The following TMEM178B variants were observed in gnomAD, a reference collection of about 807,000 sequenced individuals.
TMEM178B encodes transmembrane protein 178B.
TMEM178B carries 5 observed loss-of-function variants against 31.0 expected under a neutral mutation model. That is an observed-to-expected ratio of 0.16 (90% CI 0.08 to 0.34). TMEM178B has a LOEUF of 0.34. Among genes scored for constraint, TMEM178B ranks in the 10% least tolerant of loss-of-function variants. The pLI is 1.00. For synonymous variants in TMEM178B, 164 were observed against 164.0 expected (o/e 1.00, Z 0.00); for missense variants, 275 against 400.3 (o/e 0.69, Z 2.67).
At chr7:141,193,716 T>C (rs926725958) in intron 1 of TMEM178B, among the ~76,000 whole-genome samples, 14 of 152,154 alleles carry the variant, frequency 9.2e-5, no homozygotes, top group African/African-American at 3.4e-4. Flanking sequence ...TCTGCAGCCA[T>C]ACTCAGGCCC....
chr7:141,414,062 C>T (rs1801053531), intron 2 of TMEM178B, among the ~76,000 whole-genome samples: 1 of 150,406 alleles, frequency 6.6e-6, no homozygotes. Flanking sequence ...TACTTAATTT[C>T]TCCAAAAACA....
rs1586984451 is a variant in TMEM178B, at chr7:141,473,229, G to A, written c.*2443G>A. On this transcript the variant is annotated 3_prime_UTR_variant, in exon 4 of 4. Coordinates refer to ENST00000565468, the MANE Select transcript of TMEM178B (RefSeq NM_001195278.2). ...AGGGCATACTTGGGCTTAAGGAAAAGTGAAGAAAAGTATCTCAGATTGAGA... is the reference window on the plus strand; with the variant it reads ...AGGGCATACTTGGGCTTAAGGAAAAATGAAGAAAAGTATCTCAGATTGAGA... The A allele has an allele frequency of 6.6e-6, 1 of 152,342 alleles. No individual in the cohort carries two copies. The highest frequency in any genetic ancestry group is 1.9e-4 in the East Asian group (1 of 5,188). 9.4% of individuals were successfully genotyped at this position (152,342 alleles called of 1,614,324 possible).
At chr7:141,379,074 G>A (rs556393848) in intron 2 of TMEM178B, among the ~76,000 whole-genome samples, 1 of 152,240 alleles carries the variant, frequency 6.6e-6, no homozygotes, top group African/African-American at 2.4e-5. Flanking sequence ...CCATGCAGGG[G>A]CATCCTAGTC....
chr7:141,376,658 A>C (rs534471399), intron 2 of TMEM178B, among the ~76,000 whole-genome samples: 2 of 152,314 alleles, frequency 1.3e-5, no homozygotes, highest in East Asian at 1.9e-4. Flanking sequence ...ACACAAATCC[A>C]ATAGGTTGGA....
chr7:141,288,483 GAA>G (rs534250227), intron 2 of TMEM178B, among the ~76,000 whole-genome samples: 1 of 117,636 alleles, frequency 8.5e-6, no homozygotes. Flanking sequence ...GGAAAAAAAT[GAA>G]AAAAAAAAAA....
chr7:141,250,315 T>C (rs1797809324), intron 2 of TMEM178B, among the ~76,000 whole-genome samples: 1 of 152,216 alleles, frequency 6.6e-6, no homozygotes, highest in South Asian at 2.1e-4. Context: ...CTATTATCAT[T>C]ATCCCACTTT....
At chr7:141,173,779 A>C (rs149881049) in intron 1 of TMEM178B, among the ~76,000 whole-genome samples, 1 of 152,152 alleles carries the variant, frequency 6.6e-6, no homozygotes, top group Non-Finnish European at 1.5e-5. Flanking sequence ...AGCCATTGCC[A>C]TATTAAGTCT....
At chr7:141,366,383 G>A (rs2116556478) in intron 2 of TMEM178B, among the ~76,000 whole-genome samples, 1 of 152,274 alleles carries the variant, frequency 6.6e-6, no homozygotes, top group South Asian at 2.1e-4. Flanking sequence ...CGACAAATTT[G>A]TTTCAAGGAA....
the TMEM178B span, among the ~76,000 whole-genome samples, chr7:141,502,769 T>A: frequency 1.0e-3 from 148 of 146,326 alleles, no homozygotes; most frequent in Middle Eastern, 7.1e-3. Context: ...AAACTCAGTC[T>A]AAAAAAAAAA....
chr7:141,435,013 A>G (rs1322245847), intron 2 of TMEM178B, among the ~76,000 whole-genome samples: 1 of 152,206 alleles, frequency 6.6e-6, no homozygotes, highest in African/African-American at 2.4e-5. Context: ...ATTGAAAGAC[A>G]CTTCTCATGA....
At chr7:141,227,726 C>G (rs1797369433) in intron 2 of TMEM178B, among the ~76,000 whole-genome samples, 1 of 152,162 alleles carries the variant, frequency 6.6e-6, no homozygotes, top group Non-Finnish European at 1.5e-5. Context: ...GGGATATGAA[C>G]TTCGCAAAAT....
chr7:141,158,292 C>T (rs952431507), intron 1 of TMEM178B, among the ~76,000 whole-genome samples: 2 of 152,084 alleles, frequency 1.3e-5, no homozygotes. Context: ...GACAGGGTTT[C>T]GTCATGTTGG....
At chr7:141,459,319 C>G (rs536150052) in intron 3 of TMEM178B, among the ~76,000 whole-genome samples, 1 of 152,268 alleles carries the variant, frequency 6.6e-6, no homozygotes, top group East Asian at 1.9e-4. Flanking sequence ...TGAGCCACCA[C>G]GCCCGGCCAA....
chr7:141,425,500 T>G (rs1002540801), intron 2 of TMEM178B, among the ~76,000 whole-genome samples: 3 of 152,206 alleles, frequency 2.0e-5, no homozygotes, highest in African/African-American at 7.2e-5. Context: ...GACTCCAAGC[T>G]GGGTCTACCT....
At chr7:141,453,805 G>A (rs182761582) in intron 3 of TMEM178B, among the ~76,000 whole-genome samples, 2 of 152,022 alleles carry the variant, frequency 1.3e-5, no homozygotes, top group Admixed American at 1.3e-4. Flanking sequence ...AGTATGCCAA[G>A]TCTTTATTTA....
At chr7:141,428,960 A>G (rs1801371426) in intron 2 of TMEM178B, among the ~76,000 whole-genome samples, 1 of 152,192 alleles carries the variant, frequency 6.6e-6, no homozygotes, top group South Asian at 2.1e-4. Flanking sequence ...GCTGGTAACA[A>G]AACCACAATG....
chr7:141,217,239 C>T (rs982156146), intron 2 of TMEM178B, among the ~76,000 whole-genome samples: 2 of 152,228 alleles, frequency 1.3e-5, no homozygotes, highest in African/African-American at 4.8e-5. Flanking sequence ...CCCAGTAGCT[C>T]TGCTCTTGTT....
At chr7:141,391,075 A>G (rs926201327) in intron 2 of TMEM178B, among the ~76,000 whole-genome samples, 4 of 152,148 alleles carry the variant, frequency 2.6e-5, no homozygotes, top group Non-Finnish European at 5.9e-5. Flanking sequence ...GAAGTGGCCA[A>G]AGAGGCTGGG....
the TMEM178B span, among the ~76,000 whole-genome samples, chr7:141,501,166 T>A: frequency 2.0e-5 from 3 of 152,040 alleles, no homozygotes; most frequent in Admixed American, 2.0e-4. Flanking sequence ...ATGGGGTTTA[T>A]CCATCTGTGT....
Sources: allele counts gnomAD v4.1 joint callset (sites outside exome capture counted in the v4.1 genomes callset), GRCh38; gene constraint gnomAD v4.1.1; transcripts MANE v1.5; gene names NCBI Gene and HGNC (gene_info 2026-07-23, HGNC 2026-07-21).